XPR1: variants seen among roughly 807,000 people sequenced by gnomAD.
XPR1 encodes the protein xenotropic and polytropic retrovirus receptor 1.
XPR1 carries 28 observed loss-of-function variants against 87.5 expected under a neutral mutation model. That is an observed-to-expected ratio of 0.32 (90% CI 0.24 to 0.44). XPR1 has a LOEUF of 0.44. Among genes scored for constraint, XPR1 ranks in the 20% least tolerant of loss-of-function variants. The pLI, the probability that XPR1 is intolerant of heterozygous loss-of-function variation, is 1.00. For synonymous variants in XPR1, 300 were observed against 306.1 expected (o/e 0.98, Z 0.21); for missense variants, 559 against 862.3 (o/e 0.65, Z 4.41).
chr1:180,852,813 C>T (rs182973670), intron 11 of XPR1, among the ~76,000 whole-genome samples: 63 of 152,348 alleles, frequency 4.1e-4, no homozygotes, highest in African/African-American at 1.4e-3. Flanking sequence ...AGGCGTGAGC[C>T]ACCACGTCCA....
At chr1:180,728,311 G>GGAAA (rs1557977372) in intron 2 of XPR1, among the ~76,000 whole-genome samples, 3 of 140,374 alleles carry the variant, frequency 2.1e-5, no homozygotes, top group African/African-American at 8.1e-5. Context: ...GGGGGGGGTA[G>GGAAA]TAATGAAAAC....
At chr1:180,703,502 C>G (rs1657435257) in intron 2 of XPR1, among the ~76,000 whole-genome samples, 1 of 152,146 alleles carries the variant, frequency 6.6e-6, no homozygotes, top group Non-Finnish European at 1.5e-5. Context: ...GACCTCTTCT[C>G]AGGCCCCTGA....
chr1:180,863,403 T>C (rs1312978075), intron 11 of XPR1, among the ~76,000 whole-genome samples: 1 of 152,220 alleles, frequency 6.6e-6, no homozygotes, highest in Non-Finnish European at 1.5e-5. Flanking sequence ...ATTGCATCTT[T>C]TGTAACATTC....
chr1:180,879,698 C>T (rs531486256), intron 13 of XPR1, among the ~76,000 whole-genome samples: 2 of 152,290 alleles, frequency 1.3e-5, no homozygotes, highest in East Asian at 1.9e-4. Flanking sequence ...TTATCATTAG[C>T]CGATTGATTG....
intron 3 of XPR1, among the ~76,000 whole-genome samples, chr1:180,801,467 T>A (rs1318393919): frequency 6.6e-6 from 1 of 152,152 alleles, no homozygotes; most frequent in East Asian, 1.9e-4. Flanking sequence ...AATACAGTCT[T>A]AGATCATAGG....
At chr1:180,807,545 C>T (rs1650045617) in intron 6 of XPR1, among the ~76,000 whole-genome samples, 1 of 152,130 alleles carries the variant, frequency 6.6e-6, no homozygotes, top group Admixed American at 6.5e-5. Flanking sequence ...CACTGCTGAG[C>T]AAAATTAAAG....
intron 1 of XPR1, among the ~76,000 whole-genome samples, chr1:180,641,379 T>C (rs1442897476): frequency 6.6e-6 from 1 of 152,218 alleles, no homozygotes; most frequent in Admixed American, 6.5e-5. Flanking sequence ...TCAAAGCTTG[T>C]TCCTCCAGGT....
chr1:180,682,479 C>G, intron 2 of XPR1, 68 bp downstream of exon 2: 1 of 1,329,764 alleles, frequency 7.5e-7, no homozygotes. Context: ...TTTTGTACTG[C>G]AGAGTATAAA....
chr1:180,883,094 C>A (rs1427476194), intron 14 of XPR1, among the ~76,000 whole-genome samples: 1 of 143,574 alleles, frequency 7.0e-6, no homozygotes, highest in Non-Finnish European at 1.5e-5. Context: ...TCCTGAGTAG[C>A]TGGGGCTACA....
chr1:180,645,132 T>C (rs935709799), intron 1 of XPR1, among the ~76,000 whole-genome samples: 5 of 152,244 alleles, frequency 3.3e-5, no homozygotes, highest in Non-Finnish European at 7.3e-5. Context: ...GACACACTTT[T>C]AAGTCCACCG....
At chr1:180,809,881 G>T (rs1163444352) in intron 6 of XPR1, among the ~76,000 whole-genome samples, 1 of 152,090 alleles carries the variant, frequency 6.6e-6, no homozygotes, top group African/African-American at 2.4e-5. Flanking sequence ...AAAGACAAAT[G>T]ACCATCTTTT....
chr1:180,684,825 T>C (rs1403824055), intron 2 of XPR1, among the ~76,000 whole-genome samples: 1 of 152,244 alleles, frequency 6.6e-6, no homozygotes, highest in Non-Finnish European at 1.5e-5. Context: ...TTGTGATTTT[T>C]GTACATTGAT....
chr1:180,676,059 A>G (rs557130139), intron 1 of XPR1, among the ~76,000 whole-genome samples: 1 of 152,350 alleles, frequency 6.6e-6, no homozygotes, highest in South Asian at 2.1e-4. Context: ...AATCAGAATG[A>G]AGACTCGTCA....
In XPR1 at chr1:180,647,439, A is replaced by C. The variant is rs111322061; in HGVS notation, c.69+15169A>C. Among the ~76,000 whole-genome samples the C allele has an allele frequency of 1.6e-3, 250 of 152,352 alleles. 1 individual carries two copies. Among genetic ancestry groups the C allele is most frequent in the African/African-American group, 5.7e-3 (236 of 41,582 alleles). ...TAATCTTATGAGACCACTGTTGTAT[A>C]TGTGGTCTGTTGTTGACCAAAACGT... On this transcript the variant is annotated intron_variant, in intron 1 of 14. Coordinates refer to ENST00000367590, the MANE Select transcript of XPR1 (RefSeq NM_004736.4).
intron 13 of XPR1, among the ~76,000 whole-genome samples, chr1:180,874,760 G>A (rs1005156871): frequency 6.6e-6 from 1 of 151,952 alleles, no homozygotes; most frequent in African/African-American, 2.4e-5. Flanking sequence ...ATGAAAACAG[G>A]AGCCCCAAGA....
At chr1:180,849,730 A>G (rs1162567742) in intron 11 of XPR1, among the ~76,000 whole-genome samples, 2 of 152,220 alleles carry the variant, frequency 1.3e-5, no homozygotes, top group Admixed American at 6.5e-5. Flanking sequence ...CTTTGGATCA[A>G]TGAATCTTGG....
intron 14 of XPR1, 110 bp downstream of exon 14, chr1:180,880,407 A>G: frequency 8.1e-7 from 1 of 1,235,952 alleles, no homozygotes; most frequent in Admixed American, 2.2e-5. Context: ...GCCAATACTC[A>G]GCCATTTTTC....
rs199743227 is a variant in XPR1 at position 180,683,427 on chromosome 1, C to A, written c.121+1016C>A. ...TGTGAATAGTGCTGCTATAAACATA[C>A]GTGTGCATGTGTCTTTATAGCAGCG... On this transcript the variant is annotated intron_variant, in intron 2 of 14. Coordinates refer to ENST00000367590, the MANE Select transcript of XPR1 (RefSeq NM_004736.4). 0.022 allele frequency among the ~76,000 whole-genome samples: 3,336 copies of A among 152,196 alleles called. 407 individuals carry two copies. In the East Asian group the frequency reaches 0.36, roughly 17 times the overall value.
intron 7 of XPR1, among the ~76,000 whole-genome samples, chr1:180,813,042 C>A (rs577674411): frequency 1.4e-5 from 2 of 138,082 alleles, no homozygotes; most frequent in East Asian, 5.3e-4. Context: ...GTCTTTTTTC[C>A]CCCCCCCCAA....
Sources: allele counts gnomAD v4.1 joint callset (sites outside exome capture counted in the v4.1 genomes callset), GRCh38; gene constraint gnomAD v4.1.1; transcripts MANE v1.5; gene names NCBI Gene and HGNC (gene_info 2026-07-23, HGNC 2026-07-21).